DYNC2I1: variants seen among roughly 807,000 people sequenced by gnomAD.
DYNC2I1 encodes dynein 2 intermediate chain 1.
A neutral mutation model predicts 133.4 loss-of-function variants in DYNC2I1; 89 were observed. That is an observed-to-expected ratio of 0.67 (90% confidence interval 0.56 to 0.80). The LOEUF (loss-of-function observed/expected upper bound fraction) is 0.80, where lower values mean the gene tolerates loss of function less well. DYNC2I1 is among the 30% of genes least tolerant of loss of function. The probability of loss-of-function intolerance (pLI) is 0.00; values close to 1 mark genes in which losing one functional copy is unlikely to be tolerated. For synonymous variants in DYNC2I1, 504 were observed against 484.3 expected (o/e 1.04, Z -0.54); for missense variants, 1,291 against 1,314.5 (o/e 0.98, Z 0.28).
chr7:158,911,415 C>T, intron 11 of DYNC2I1, 135 bp from the exon 12 acceptor site: 1 of 945,844 alleles, frequency 1.1e-6, no homozygotes, highest in Non-Finnish European at 1.5e-6. Flanking sequence ...TTAAATATCT[C>T]AGACTCACCC....
At chr7:158,934,271 G>C (rs1394976584) in intron 22 of DYNC2I1, 43 bp downstream of exon 22, 1 of 1,568,194 alleles carries the variant, frequency 6.4e-7, no homozygotes, top group East Asian at 2.2e-5. Context: ...CATTCTCCTT[G>C]TTTTCCTGAC....
At chr7:158,952,347 G>A (rs543583266) in intron 4 of DYNC2I1, among the ~76,000 whole-genome samples, 5 of 152,220 alleles carry the variant, frequency 3.3e-5, no homozygotes, top group Non-Finnish European at 7.4e-5. Context: ...GGATTCCAGG[G>A]AAAAAGTGGA....
At chr7:158,875,499 C>T (rs1378172185) in intron 3 of DYNC2I1, among the ~76,000 whole-genome samples, 1 of 152,112 alleles carries the variant, frequency 6.6e-6, no homozygotes, top group African/African-American at 2.4e-5. Flanking sequence ...CATCTGATGC[C>T]TTTTTTGTGT....
chr7:158,940,460 A>C (rs1306744363), intron 23 of DYNC2I1, among the ~76,000 whole-genome samples: 1 of 152,166 alleles, frequency 6.6e-6, no homozygotes, highest in African/African-American at 2.4e-5. Context: ...CATGGCCCAG[A>C]GGCTGGGGAC....
chr7:158,925,786 C>T (rs1563184177), intron 17 of DYNC2I1, among the ~76,000 whole-genome samples: 2 of 152,124 alleles, frequency 1.3e-5, no homozygotes, highest in African/African-American at 4.8e-5. Flanking sequence ...TCCCATCGGC[C>T]GTGCTGCTCC....
Position 158,869,340 on chromosome 7 carries a change from C to T in DYNC2I1, c.16-515C>T, listed in dbSNP as rs561683261. 7.3e-6 allele frequency: 3 copies of T among 413,226 alleles called. No individual in the cohort carries two copies. The East Asian group carries it at 2.3e-4, about 32-fold the overall frequency. The allele number at this position is 413,226 out of a possible 1,614,324, so 25.6% of individuals were successfully genotyped here. On this transcript the variant is annotated intron_variant, in intron 1 of 24. Coordinates refer to ENST00000407559, the MANE Select transcript of DYNC2I1 (RefSeq NM_018051.5). ...GGGGCCTCTCCCCAGGGCTGCTTCT[C>T]TTCCTCACAGGGAAGTATCTGGAGC...
intron 7 of DYNC2I1, among the ~76,000 whole-genome samples, chr7:158,890,188 A>G (rs1180074819): frequency 6.6e-6 from 1 of 152,146 alleles, no homozygotes; most frequent in Non-Finnish European, 1.5e-5. Context: ...AAAAACATAC[A>G]GAAGAAACAT....
chr7:158,898,771 C>G (rs982076924), intron 8 of DYNC2I1, among the ~76,000 whole-genome samples: 14 of 151,580 alleles, frequency 9.2e-5, no homozygotes, highest in African/African-American at 3.4e-4. Flanking sequence ...GTTATTTGTT[C>G]CTGTTTTTGT....
At chr7:158,849,192 C>G in the DYNC2I1 span, among the ~76,000 whole-genome samples, 11 of 152,192 alleles carry the variant, frequency 7.2e-5, no homozygotes, top group South Asian at 2.1e-3. Flanking sequence ...AAGAAAAGTT[C>G]CTGGGATGGG....
At chr7:158,844,053 C>G in the DYNC2I1 span, among the ~76,000 whole-genome samples, 7 of 152,068 alleles carry the variant, frequency 4.6e-5, no homozygotes, top group Non-Finnish European at 1.0e-4. Flanking sequence ...CTCAATGGAT[C>G]TATATTTTGC....
intron 14 of DYNC2I1, 37 bp downstream of exon 14, chr7:158,914,358 A>C: frequency 6.5e-7 from 1 of 1,528,372 alleles, no homozygotes. Flanking sequence ...TCTCTGTGTA[A>C]GTGCTTAAAG....
chr7:158,922,292 T>G, intron 15 of DYNC2I1, 85 bp from the exon 16 acceptor site: 1 of 1,392,408 alleles, frequency 7.2e-7, no homozygotes, highest in Non-Finnish European at 9.8e-7. Context: ...AAGCTGAATT[T>G]TTTTTTGAGT....
intron 21 of DYNC2I1, among the ~76,000 whole-genome samples, chr7:158,931,996 G>A (rs1850264966): frequency 6.6e-6 from 1 of 152,194 alleles, no homozygotes; most frequent in African/African-American, 2.4e-5. Flanking sequence ...GCCGAGAGGA[G>A]GAGCTGAGCT....
At chr7:158,872,720 G>A (rs1231613395) in intron 3 of DYNC2I1, among the ~76,000 whole-genome samples, 1 of 151,770 alleles carries the variant, frequency 6.6e-6, no homozygotes, top group Non-Finnish European at 1.5e-5. Flanking sequence ...TTTAGGGCCA[G>A]GCACAGTGCC....
chr7:158,954,310 A>G (rs913904857), intron 4 of DYNC2I1, among the ~76,000 whole-genome samples: 8 of 152,190 alleles, frequency 5.3e-5, no homozygotes, highest in Non-Finnish European at 1.0e-4. Flanking sequence ...CATGCATCAG[A>G]TACTTATTAA....
At chr7:158,891,753 C>A (rs951509180) in intron 8 of DYNC2I1, among the ~76,000 whole-genome samples, 1 of 152,208 alleles carries the variant, frequency 6.6e-6, no homozygotes, top group African/African-American at 2.4e-5. Context: ...ACAAAAGACA[C>A]GATCCAGGCC....
chr7:158,934,246 T>C lies in DYNC2I1; in HGVS notation c.2646+18T>C. On this transcript the variant is annotated intron_variant, in intron 22 of 24. Coordinates refer to ENST00000407559, the MANE Select transcript of DYNC2I1 (RefSeq NM_018051.5). ...CAGACATGGTGAGTAGTATTTTAAA[T>C]TTAATCCTATTACTCATTCTCCTTG... 1.3e-6 allele frequency: 2 copies of C among 1,588,932 alleles called. No homozygotes were observed. Among genetic ancestry groups the C allele is most frequent in the Non-Finnish European group, 1.7e-6 (2 of 1,167,390 alleles).
At chr7:158,888,975 A>G (rs1844894577) in intron 7 of DYNC2I1, among the ~76,000 whole-genome samples, 1 of 151,338 alleles carries the variant, frequency 6.6e-6, no homozygotes, top group Non-Finnish European at 1.5e-5. Flanking sequence ...TTCTCATATA[A>G]TCTTTTATAA....
intron 7 of DYNC2I1, among the ~76,000 whole-genome samples, chr7:158,890,674 A>G (rs916957511): frequency 6.6e-6 from 1 of 151,852 alleles, no homozygotes; most frequent in Non-Finnish European, 1.5e-5. Context: ...CCTGAGTTCA[A>G]GAGATTTTCC....
Sources: gnomAD v4.1 joint callset for allele counts (sites outside exome capture counted in the v4.1 genomes callset) on GRCh38, gnomAD v4.1.1 for gene constraint, MANE v1.5 for transcripts, NCBI Gene and HGNC (gene_info 2026-07-23, HGNC 2026-07-21) for gene names.